Variants in SNAP91 observed in about 807,000 individuals in gnomAD.
The protein encoded by SNAP91 is synaptosome associated protein 91.
A neutral mutation model predicts 100.3 loss-of-function variants in SNAP91; 27 were observed. The observed-to-expected ratio is 0.27, with a 90% CI of 0.20 to 0.37. SNAP91 has a LOEUF of 0.37. Ranked by LOEUF, SNAP91 falls within the 10% of genes least tolerant of loss-of-function variation. The pLI, the probability that SNAP91 is intolerant of heterozygous loss-of-function variation, is 1.00. For synonymous variants in SNAP91, 404 were observed against 398.6 expected (o/e 1.01, Z -0.16); for missense variants, 986 against 1,123.7 (o/e 0.88, Z 1.75).
At chr6:83,690,890 C>A (rs2099122487) in intron 2 of SNAP91, among the ~76,000 whole-genome samples, 1 of 151,862 alleles carries the variant, frequency 6.6e-6, no homozygotes, top group Admixed American at 6.6e-5. Flanking sequence ...ATAAGATATG[C>A]AAAATTTGGT....
At chr6:83,689,535 CAAGAT>C (rs1288537021) in intron 2 of SNAP91, 2 of 151,878 alleles carry the variant, frequency 1.3e-5, no homozygotes, top group South Asian at 2.1e-4. Context: ...AAAATGAACA[CAAGAT>C]AAGCACTAAA....
intron 26 of SNAP91, among the ~76,000 whole-genome samples, chr6:83,574,591 A>G (rs1814835673): frequency 6.6e-6 from 1 of 152,150 alleles, no homozygotes; most frequent in Non-Finnish European, 1.5e-5. Context: ...AAGAAATATG[A>G]TAAGATAGAT....
At chr6:83,650,400 C>T (rs1431676170) in intron 7 of SNAP91, among the ~76,000 whole-genome samples, 1 of 152,116 alleles carries the variant, frequency 6.6e-6, no homozygotes, top group African/African-American at 2.4e-5. Flanking sequence ...ATTTAATAGC[C>T]TGGCTTGGTA....
At chr6:83,700,111 G>A (rs1489973425) in intron 2 of SNAP91, among the ~76,000 whole-genome samples, 1 of 152,158 alleles carries the variant, frequency 6.6e-6, no homozygotes, top group Non-Finnish European at 1.5e-5. Context: ...CAGCACGTAA[G>A]ACAGAAGTAG....
intron 2 of SNAP91, among the ~76,000 whole-genome samples, chr6:83,674,054 T>G (rs1028381717): frequency 1.3e-5 from 2 of 152,124 alleles, no homozygotes; most frequent in African/African-American, 4.8e-5. Context: ...CTGAATCATG[T>G]TTTTTGTTTG....
chr6:83,633,884 T>A (rs1584888519), intron 8 of SNAP91, among the ~76,000 whole-genome samples: 1 of 151,406 alleles, frequency 6.6e-6, no homozygotes, highest in African/African-American at 2.4e-5. Flanking sequence ...CTCCCCCGAG[T>A]TCTGGCCAAG....
chr6:83,702,091 AACAAT>A (rs1414267737), intron 2 of SNAP91, among the ~76,000 whole-genome samples: 2 of 152,246 alleles, frequency 1.3e-5, no homozygotes, highest in Non-Finnish European at 2.9e-5. Flanking sequence ...TTCATAAATA[AACAAT>A]ACATTTTTCT....
At chr6:83,618,222 A>G (rs1276803486) in intron 9 of SNAP91, among the ~76,000 whole-genome samples, 1 of 152,062 alleles carries the variant, frequency 6.6e-6, no homozygotes, top group African/African-American at 2.4e-5. Context: ...TGTGATTATT[A>G]TAAGTGTAAA....
At chr6:83,599,794 A>AT (rs1174328516) in intron 16 of SNAP91, among the ~76,000 whole-genome samples, 3 of 152,206 alleles carry the variant, frequency 2.0e-5, no homozygotes, top group African/African-American at 7.2e-5. Flanking sequence ...TTTTAATTTA[A>AT]TTTTATTTTT....
Position 83,631,345 on chromosome 6 carries a change from T to C in SNAP91, c.766-8003A>G, listed in dbSNP as rs1446863994. Among the ~76,000 whole-genome samples, 3 of 152,314 alleles carry C rather than the reference T, an allele frequency of 2.0e-5. No individual in the cohort carries two copies. In the East Asian group the frequency reaches 5.8e-4, roughly 29 times the overall value. The stretch of plus-strand genomic sequence containing the variant: ...TGATGGATGGAATGTTCTATATACA[T>C]CTGTTAAGTCCATTTGTTCCAGGGT... On this transcript the variant is annotated intron_variant, in intron 8 of 29. Transcript: ENST00000369694.
intron 23 of SNAP91, among the ~76,000 whole-genome samples, chr6:83,580,964 G>A (rs1827516635): frequency 6.6e-6 from 1 of 152,110 alleles, no homozygotes; most frequent in Admixed American, 6.5e-5. Context: ...ACCAATACAT[G>A]GCTTTGTTGT....
Position 83,665,559 on chromosome 6 carries a change from C to A in SNAP91, c.153G>T (p.Glu51Asp). ...HLDYLIQATN[E>D]TNVNIPQMAD... ...CCATCTGAGGAATATTAACATTGGT[C>A]TCGTTGGTAGCCTGGATCAAATCTA... Residue 51 changes from glutamate (E) to aspartate (D), a missense_variant, in exon 3 of 30, where the codon GAG becomes GAT. Coordinates refer to ENST00000369694, the MANE Select transcript of SNAP91 (RefSeq NM_001242792.2). 1 of 1,612,110 alleles carries A rather than the reference C, an allele frequency of 6.2e-7. No individual in the cohort carries two copies. The highest frequency in any genetic ancestry group is 8.5e-7 in the Non-Finnish European group (1 of 1,179,060).
chr6:83,663,574 C>A (rs779759068), intron 3 of SNAP91, among the ~76,000 whole-genome samples: 1 of 151,948 alleles, frequency 6.6e-6, no homozygotes, highest in Non-Finnish European at 1.5e-5. Flanking sequence ...AACTTTTTTT[C>A]AATTCTAGGA....
Position 83,560,225 on chromosome 6 carries a change from G to T in SNAP91, c.2527-17C>A. The T allele has an allele frequency of 6.2e-7, 1 of 1,600,906 alleles. No individual in the cohort carries two copies. The highest frequency in any genetic ancestry group is 1.1e-5 in the South Asian group (1 of 90,614). On this transcript the variant is annotated splice_polypyrimidine_tract_variant and intron_variant, in intron 27 of 29. Transcript: ENST00000369694. ...AGCAGGAGGCTGAGGAGGAAGAATG[G>T]AGAGTGGTTCAGAGCATGAGTGGAA...
chr6:83,689,467 T>C (rs2099104443), intron 2 of SNAP91: 1 of 152,096 alleles, frequency 6.6e-6, no homozygotes. Context: ...CTATGACAAA[T>C]GAAATTTAAT....
intron 11 of SNAP91, among the ~76,000 whole-genome samples, chr6:83,613,140 T>C (rs1015974193): frequency 5.9e-5 from 9 of 152,174 alleles, no homozygotes; most frequent in African/African-American, 2.2e-4. Context: ...TACTTGCAGT[T>C]ATCCCATGAA....
At chr6:83,622,219 C>T (rs2096757388) in intron 9 of SNAP91, among the ~76,000 whole-genome samples, 1 of 151,994 alleles carries the variant, frequency 6.6e-6, no homozygotes, top group Non-Finnish European at 1.5e-5. Flanking sequence ...CTAAAAAATA[C>T]AATGCCATCA....
chr6:83,658,723 A>G (rs1358203498), intron 6 of SNAP91, among the ~76,000 whole-genome samples: 3 of 152,228 alleles, frequency 2.0e-5, no homozygotes, highest in South Asian at 2.1e-4. Flanking sequence ...CATCCTGTCA[A>G]GTACAATAGG....
intron 7 of SNAP91, among the ~76,000 whole-genome samples, chr6:83,656,389 T>C (rs1489121666): frequency 6.6e-6 from 1 of 152,208 alleles, no homozygotes; most frequent in African/African-American, 2.4e-5. Context: ...AAGGCTTATA[T>C]GCCTATCATC....
Sources: gnomAD v4.1 joint callset for allele counts (sites outside exome capture counted in the v4.1 genomes callset) on GRCh38, gnomAD v4.1.1 for gene constraint, MANE v1.5 for transcripts, NCBI Gene and HGNC (gene_info 2026-07-23, HGNC 2026-07-21) for gene names.